IQCH: variants seen among roughly 807,000 people sequenced by gnomAD.
IQCH encodes the protein IQ domain-containing protein H.
In IQCH, 98 loss-of-function variants were observed where a neutral mutation model predicts 117.0. That is an observed-to-expected ratio of 0.84 (90% CI 0.71 to 0.99). IQCH has a LOEUF of 0.99. Ranked by LOEUF, IQCH falls within the 50% of genes least tolerant of loss-of-function variation. IQCH has a pLI of 0.00. For missense variants in IQCH, 1,102 were observed against 1,243.8 expected, an observed-to-expected ratio of 0.89 and a Z score of 1.72; for synonymous variants, 412 against 448.2, an observed-to-expected ratio of 0.92 and a Z score of 1.02.
At chr15:67,302,235 A>G (rs1967080641) in intron 4 of IQCH, among the ~76,000 whole-genome samples, 1 of 152,198 alleles carries the variant, frequency 6.6e-6, no homozygotes, top group Non-Finnish European at 1.5e-5. Flanking sequence ...CCCTAATTAC[A>G]GAAACCCACA....
At chr15:67,291,413 A>G (rs1223323769) in intron 4 of IQCH, among the ~76,000 whole-genome samples, 1 of 152,100 alleles carries the variant, frequency 6.6e-6, no homozygotes, top group East Asian at 1.9e-4. Flanking sequence ...CAGTCATCTA[A>G]TTCTAGCCAG....
At chr15:67,392,396 A>C (rs1286852777) in intron 12 of IQCH, among the ~76,000 whole-genome samples, 1 of 152,218 alleles carries the variant, frequency 6.6e-6, no homozygotes, top group Non-Finnish European at 1.5e-5. Flanking sequence ...CCAGATGGGA[A>C]AGACAAACCT....
intron 16 of IQCH, among the ~76,000 whole-genome samples, chr15:67,429,969 A>T (rs748504878): frequency 1.3e-5 from 2 of 152,204 alleles, no homozygotes; most frequent in Non-Finnish European, 2.9e-5. Context: ...ACACACGGTC[A>T]TTTTGTAATC....
Position 67,356,329 on chromosome 15 carries a change from G to A in IQCH, c.638-1016G>A, listed in dbSNP as rs570679460. On this transcript the variant is annotated intron_variant, in intron 6 of 20. Coordinates refer to ENST00000335894, the MANE Select transcript of IQCH (RefSeq NM_001031715.3). This position sits in a 1 kb window ranked among gnomAD's most constrained non-coding sequence, Gnocchi z 5.3. ...GGAAACCAGAGGGTTGTAAAAATGG[G>A]TTGATCAAATGCAACAAAGAAATCC... is the stretch of plus-strand genomic sequence containing the variant. 3.3e-5 allele frequency among the ~76,000 whole-genome samples: 5 copies of A among 152,232 alleles called. No homozygotes were observed. The highest frequency in any genetic ancestry group is 2.1e-4 in the South Asian group (1 of 4,814).
rs895752934 is a variant in IQCH, at chr15:67,491,485, G to A, written c.2861+1421G>A. On this transcript the variant is annotated intron_variant, in intron 19 of 20. Coordinates refer to ENST00000335894, the MANE Select transcript of IQCH (RefSeq NM_001031715.3). The surrounding 1 kb of genome is among the most constrained non-coding windows in gnomAD (Gnocchi z 4.9). Reference sequence around the variant, plus strand: ...GTCTCAGATGCTTCCCATCACCTGGGAAGGGAAGCTGGCTGTTTTGAGTCC... The same window carrying A: ...GTCTCAGATGCTTCCCATCACCTGGAAAGGGAAGCTGGCTGTTTTGAGTCC... Among the ~76,000 whole-genome samples the A allele has an allele frequency of 3.3e-5, 5 of 152,106 alleles. No individual in the cohort carries two copies. The highest frequency in any genetic ancestry group is 3.3e-4 in the Admixed American group (5 of 15,278).
At chr15:67,392,035 C>G (rs150259731) in intron 12 of IQCH, among the ~76,000 whole-genome samples, 2 of 152,308 alleles carry the variant, frequency 1.3e-5, no homozygotes, top group Non-Finnish European at 2.9e-5. Context: ...GAACTTGTGG[C>G]AGCAGTGGCA....
At chr15:67,471,387 A>G (rs1430233794) in intron 17 of IQCH, among the ~76,000 whole-genome samples, 1 of 152,190 alleles carries the variant, frequency 6.6e-6, no homozygotes, top group Non-Finnish European at 1.5e-5. Context: ...ATAGAAAATA[A>G]TGTTTTCTAT....
rs543992667 is a variant in IQCH at position 67,413,265 on chromosome 15, G to A, written c.2098-3666G>A. Reference sequence around the variant, plus strand: ...CAAAAACTGAGAGCTTGCATCTGACGTCGATAGACCCATTGTGGCTGTTGG... The same window carrying A: ...CAAAAACTGAGAGCTTGCATCTGACATCGATAGACCCATTGTGGCTGTTGG... On this transcript the variant is annotated intron_variant, in intron 14 of 20. Coordinates refer to ENST00000335894, the MANE Select transcript of IQCH (RefSeq NM_001031715.3). This position sits in a 1 kb window ranked among gnomAD's most constrained non-coding sequence, Gnocchi z 5.0. 3.9e-5 allele frequency among the ~76,000 whole-genome samples: 6 copies of A among 152,134 alleles called. No homozygotes were observed. Among genetic ancestry groups the A allele is most frequent in the East Asian group, 1.9e-4 (1 of 5,198 alleles).
chr15:67,365,422 T>C lies in IQCH; in HGVS notation c.753+5537T>C, dbSNP rs1270479639. Among the ~76,000 whole-genome samples, 2 of 152,200 alleles carry C rather than the reference T, an allele frequency of 1.3e-5. No homozygotes were observed. The highest frequency in any genetic ancestry group is 6.5e-5 in the Admixed American group (1 of 15,280). Reference sequence around the variant, plus strand: ...AGCTTAAATTTTAGTATTCACACTTTCATACATTCATTCATTCAACTAATC... The same window carrying C: ...AGCTTAAATTTTAGTATTCACACTTCCATACATTCATTCATTCAACTAATC... On this transcript the variant is annotated intron_variant, in intron 8 of 20. Coordinates refer to ENST00000335894, the MANE Select transcript of IQCH (RefSeq NM_001031715.3). The surrounding 1 kb of genome is among the most constrained non-coding windows in gnomAD (Gnocchi z 4.4).
intron 18 of IQCH, among the ~76,000 whole-genome samples, chr15:67,487,230 G>A (rs2083508231): frequency 6.6e-6 from 1 of 152,176 alleles, no homozygotes; most frequent in Non-Finnish European, 1.5e-5. Context: ...CTACTTGGGA[G>A]GCTGAGAAAG....
At chr15:67,306,918 C>T in intron 4 of IQCH, 3 of 1,450,136 alleles carry the variant, frequency 2.1e-6, no homozygotes, top group South Asian at 2.8e-5. Flanking sequence ...CTTTATAATA[C>T]AACACATTAA....
chr15:67,451,139 A>G (rs1390532274), intron 16 of IQCH, among the ~76,000 whole-genome samples: 1 of 152,036 alleles, frequency 6.6e-6, no homozygotes, highest in Non-Finnish European at 1.5e-5. Context: ...TCTTGCTAGC[A>G]GTCTATCAAT....
chr15:67,396,821 T>C (rs752400798), intron 13 of IQCH, among the ~76,000 whole-genome samples: 1 of 152,228 alleles, frequency 6.6e-6, no homozygotes, highest in Non-Finnish European at 1.5e-5. Context: ...CAACAAATCA[T>C]ACTTTGCAGA....
At chr15:67,274,139 G>T (rs1423314580) in intron 3 of IQCH, among the ~76,000 whole-genome samples, 1 of 152,086 alleles carries the variant, frequency 6.6e-6, no homozygotes, top group Non-Finnish European at 1.5e-5. Context: ...TATATGTTGG[G>T]ATGGTCTTAT....
chr15:67,468,360 T>C (rs1386314335), intron 17 of IQCH, among the ~76,000 whole-genome samples: 1 of 152,256 alleles, frequency 6.6e-6, no homozygotes, highest in African/African-American at 2.4e-5. Context: ...TTCTGTCTCC[T>C]GTAATTTATT....
rs966070722 is a variant in IQCH, at chr15:67,381,012, G to A, written c.1373-3924G>A. ...AAAGAAACTAGGAGTCACCCACTGG[G>A]TAAGAAGCTGAGTTTTCAAGAACGT... On this transcript the variant is annotated intron_variant, in intron 10 of 20. Transcript: ENST00000335894. This position sits in a 1 kb window ranked among gnomAD's most constrained non-coding sequence, Gnocchi z 5.1. 8.5e-5 allele frequency among the ~76,000 whole-genome samples: 13 copies of A among 152,302 alleles called. No individual in the cohort carries two copies. The highest frequency in any genetic ancestry group is 6.2e-4 in the South Asian group (3 of 4,830).
chr15:67,434,780 C>CTTTT (rs201003525), intron 16 of IQCH, among the ~76,000 whole-genome samples: 3 of 138,746 alleles, frequency 2.2e-5, no homozygotes, highest in African/African-American at 2.7e-5. Flanking sequence ...CTTTTCTTTT[C>CTTTT]TTTTCTTTTT....
At chr15:67,363,892 T>G (rs1970238960) in intron 8 of IQCH, among the ~76,000 whole-genome samples, 1 of 152,254 alleles carries the variant, frequency 6.6e-6, no homozygotes, top group African/African-American at 2.4e-5. Context: ...GACCTCTTTC[T>G]TTTCCATGGC....
Position 67,381,416 on chromosome 15 carries a change from G to C in IQCH, c.1373-3520G>C, listed in dbSNP as rs917125896. Among the ~76,000 whole-genome samples the C allele has an allele frequency of 6.6e-6, 1 of 152,184 alleles. No homozygotes were observed. The highest frequency in any genetic ancestry group is 1.5e-5 in the Non-Finnish European group (1 of 68,030). ...TTTCACAACTGCTTATTTGAGAAAA[G>C]ACGGAACTCTCTATCAAACTAGGAA... is the stretch of plus-strand genomic sequence containing the variant. On this transcript the variant is annotated intron_variant, in intron 10 of 20. Transcript: ENST00000335894. This position sits in a 1 kb window ranked among gnomAD's most constrained non-coding sequence, Gnocchi z 5.1.
Sources: allele counts gnomAD v4.1 joint callset (sites outside exome capture counted in the v4.1 genomes callset), GRCh38; gene constraint gnomAD v4.1.1; non-coding constraint Gnocchi (gnomAD v3.1); transcripts MANE v1.5; gene names NCBI Gene and HGNC (gene_info 2026-07-23, HGNC 2026-07-21).